Variants in DDHD1 observed in about 807,000 individuals in gnomAD.
The protein encoded by DDHD1 is DDHD domain containing 1.
A neutral mutation model predicts 96.4 loss-of-function variants in DDHD1; 49 were observed. The ratio of observed to expected loss-of-function variants is 0.51; its 90% confidence interval spans 0.40 to 0.64. The LOEUF (loss-of-function observed/expected upper bound fraction) is 0.64, where lower values mean the gene tolerates loss of function less well. DDHD1 is among the 30% of genes least tolerant of loss of function. DDHD1 has a pLI of 0.00. For synonymous variants in DDHD1, 442 were observed against 446.5 expected, an observed-to-expected ratio of 0.99 and a Z score of 0.13; for missense variants, 1,106 against 1,161.2, an observed-to-expected ratio of 0.95 and a Z score of 0.69.
At chr14:53,106,638 C>CA (rs1311577031) in intron 1 of DDHD1, among the ~76,000 whole-genome samples, 2 of 152,042 alleles carry the variant, frequency 1.3e-5, no homozygotes, top group Non-Finnish European at 2.9e-5. Flanking sequence ...GCCTGGGTGA[C>CA]AGAGTGAGAC....
chr14:53,102,547 C>T (rs1193466168), intron 2 of DDHD1, among the ~76,000 whole-genome samples: 1 of 151,950 alleles, frequency 6.6e-6, no homozygotes, highest in Non-Finnish European at 1.5e-5. Context: ...TCACAAGTTT[C>T]CTCAGTTATA....
chr14:53,150,989 T>G (rs1891305662), intron 1 of DDHD1, among the ~76,000 whole-genome samples: 1 of 152,188 alleles, frequency 6.6e-6, no homozygotes, highest in Non-Finnish European at 1.5e-5. Flanking sequence ...GAAATTAAAT[T>G]TCCTGCTATT....
At chr14:53,110,995 ATAAC>A (rs756586007) in intron 1 of DDHD1, among the ~76,000 whole-genome samples, 25 of 152,196 alleles carry the variant, frequency 1.6e-4, no homozygotes, top group Non-Finnish European at 3.5e-4. Context: ...AAAAGAGAAA[ATAAC>A]TAAGTCATTA....
At chr14:53,124,098 G>T (rs951347860) in intron 1 of DDHD1, among the ~76,000 whole-genome samples, 13 of 151,956 alleles carry the variant, frequency 8.6e-5, no homozygotes, top group African/African-American at 1.9e-4. Context: ...AGCCGGGCAT[G>T]GTGGCAGGCG....
chr14:53,147,591 C>T (rs904184926), intron 1 of DDHD1, among the ~76,000 whole-genome samples: 30 of 152,104 alleles, frequency 2.0e-4, no homozygotes, highest in African/African-American at 7.0e-4. Flanking sequence ...CCATTCACAT[C>T]CTTTTTCTGT....
At chr14:53,118,691 G>T (rs1290177242) in intron 1 of DDHD1, among the ~76,000 whole-genome samples, 1 of 152,210 alleles carries the variant, frequency 6.6e-6, no homozygotes, top group Non-Finnish European at 1.5e-5. Context: ...TTTGATTGGT[G>T]TACCAGAAAG....
chr14:53,059,553 G>C (rs1477651922), intron 8 of DDHD1, among the ~76,000 whole-genome samples: 1 of 148,272 alleles, frequency 6.7e-6, no homozygotes, highest in Non-Finnish European at 1.5e-5. Flanking sequence ...CCATAACCTG[G>C]TTTATTTTTG....
chr14:53,073,567 G>A (rs1884707632), intron 5 of DDHD1, among the ~76,000 whole-genome samples, 174 bp downstream of exon 5: 1 of 152,018 alleles, frequency 6.6e-6, no homozygotes, highest in African/African-American at 2.4e-5. Flanking sequence ...AATTATTCTA[G>A]AAATCAATGG....
rs1881781429 is a variant in DDHD1 at position 53,043,301 on chromosome 14, A to G, written c.*3467T>C. The G allele has an allele frequency of 6.6e-6, 1 of 152,220 alleles. No individual in the cohort carries two copies. The highest frequency in any genetic ancestry group is 1.5e-5 in the Non-Finnish European group (1 of 68,058). 9.4% of individuals were successfully genotyped at this position (152,220 alleles called of 1,614,324 possible). On this transcript the variant is annotated 3_prime_UTR_variant, in exon 13 of 13. Coordinates refer to ENST00000673822, the MANE Select transcript of DDHD1 (RefSeq NM_001160148.2). ...AAGCATGTTCAGTGTGAGTACTTCA[A>G]AAGATAACAGATGCCGTTTAACAGA...
chr14:53,049,107 G>A (rs1882304236), intron 12 of DDHD1: 1 of 152,092 alleles, frequency 6.6e-6, no homozygotes, highest in African/African-American at 2.4e-5. Flanking sequence ...TGCTATTACT[G>A]TCTTACAACA....
At chr14:53,061,385 A>G in intron 7 of DDHD1, 184 bp from the exon 8 acceptor site, 1 of 484,376 alleles carries the variant, frequency 2.1e-6, no homozygotes, top group Non-Finnish European at 3.5e-6. Context: ...AATTTATGAA[A>G]TAATTAGTAA....
chr14:53,061,031 C>G, intron 8 of DDHD1, 95 bp downstream of exon 8: 1 of 1,097,218 alleles, frequency 9.1e-7, no homozygotes, highest in Non-Finnish European at 1.3e-6. Context: ...TTTGAAAGAA[C>G]AATAAACTTT....
chr14:53,082,744 G>A (rs189421861), intron 4 of DDHD1, among the ~76,000 whole-genome samples: 2 of 146,290 alleles, frequency 1.4e-5, no homozygotes, highest in Non-Finnish European at 1.5e-5. Context: ...GGGCGACAGA[G>A]TGAGACTCTA....
At chr14:53,111,981 T>G (rs1266516954) in intron 1 of DDHD1, among the ~76,000 whole-genome samples, 2 of 152,222 alleles carry the variant, frequency 1.3e-5, no homozygotes, top group African/African-American at 4.8e-5. Flanking sequence ...TAATTTATTA[T>G]GAAAGGGAGC....
At chr14:53,128,929 G>T (rs886198409) in intron 1 of DDHD1, among the ~76,000 whole-genome samples, 1 of 152,108 alleles carries the variant, frequency 6.6e-6, no homozygotes, top group African/African-American at 2.4e-5. Context: ...TTGTGATAAT[G>T]CACTTTGTGA....
chr14:53,038,086 T>C lies in DDHD1; in HGVS notation c.*8682A>G, dbSNP rs984736840. 1 of 151,858 alleles carries C rather than the reference T, an allele frequency of 6.6e-6. No individual in the cohort carries two copies. Among genetic ancestry groups the C allele is most frequent in the East Asian group, 1.9e-4 (1 of 5,188 alleles). 9.4% of individuals were successfully genotyped at this position (151,858 alleles called of 1,614,324 possible). A position where few individuals can be genotyped will look rare whatever the true frequency, so the allele number is the denominator to read the frequency against. On this transcript the variant is annotated 3_prime_UTR_variant, in exon 13 of 13. Coordinates refer to ENST00000673822, the MANE Select transcript of DDHD1 (RefSeq NM_001160148.2). ...GCCATCTACAACCAACCCACAGACA[T>C]CATACTGGATGAGCAAAAGCTGGAA...
At chr14:53,052,121 A>G (rs1882638912) in intron 11 of DDHD1, among the ~76,000 whole-genome samples, 194 bp from the exon 12 acceptor site, 1 of 152,060 alleles carries the variant, frequency 6.6e-6, no homozygotes, top group Admixed American at 6.6e-5. Flanking sequence ...AACTTGAAAT[A>G]TAATCTCATA....
In DDHD1 at chr14:53,039,014, A is replaced by G. The variant is rs1245389920; in HGVS notation, c.*7754T>C. 5.3e-5 allele frequency: 8 copies of G among 152,210 alleles called. No homozygotes were observed. Among genetic ancestry groups the G allele is most frequent in the Non-Finnish European group, 2.9e-5 (2 of 68,028 alleles). The allele number at this position is 152,210 out of a possible 1,614,324, so 9.4% of individuals were successfully genotyped here. On this transcript the variant is annotated 3_prime_UTR_variant, in exon 13 of 13. Transcript: ENST00000673822. ...GGATCACAAGACATTATCTTCAAAG[A>G]CAACTTCATTAGGAATGTGGAGGTA...
chr14:53,131,195 C>T (rs567091305), intron 1 of DDHD1, among the ~76,000 whole-genome samples: 51 of 152,254 alleles, frequency 3.3e-4, no homozygotes, highest in African/African-American at 1.2e-3. Context: ...CTGACTATTC[C>T]TGGGCTACAG....
Sources: allele counts gnomAD v4.1 joint callset (sites outside exome capture counted in the v4.1 genomes callset), GRCh38; gene constraint gnomAD v4.1.1; transcripts MANE v1.5; gene names NCBI Gene and HGNC (gene_info 2026-07-23, HGNC 2026-07-21).